Variants in CEMIP observed in about 807,000 individuals in gnomAD.
CEMIP encodes the protein cell migration inducing hyaluronidase 1.
In CEMIP, 105 loss-of-function variants were observed where a neutral mutation model predicts 156.9. That is an observed-to-expected ratio of 0.67 (90% CI 0.57 to 0.79). The LOEUF is 0.79. Among genes scored for constraint, CEMIP ranks in the 30% least tolerant of loss-of-function variants. The pLI, the probability that CEMIP is intolerant of heterozygous loss-of-function variation, is 0.00. For synonymous variants in CEMIP, 676 were observed against 668.4 expected (o/e 1.01, Z -0.17); for missense variants, 1,457 against 1,769.4 (o/e 0.82, Z 3.17).
intron 9 of CEMIP, 63 bp from the exon 10 acceptor site, chr15:80,889,408 C>A: frequency 6.2e-7 from 1 of 1,611,566 alleles, no homozygotes; most frequent in Non-Finnish European, 8.5e-7. Context: ...GGAGACAACA[C>A]TGAGTGTGAC....
intron 14 of CEMIP, among the ~76,000 whole-genome samples, chr15:80,913,716 TAA>T (rs910467093): frequency 2.6e-5 from 4 of 152,248 alleles, no homozygotes; most frequent in African/African-American, 9.6e-5. Context: ...GTGTTCTGTG[TAA>T]ACATCGCTGG....
rs1180591445 is a variant in CEMIP, at chr15:80,932,202, G to T, written c.2793+163G>T. Among the ~76,000 whole-genome samples, 2 of 152,306 alleles carry T rather than the reference G, an allele frequency of 1.3e-5. No homozygotes were observed. The highest frequency in any genetic ancestry group is 1.3e-4 in the Admixed American group (2 of 15,296). On this transcript the variant is annotated intron_variant, in intron 22 of 29. Coordinates refer to ENST00000394685, the MANE Select transcript of CEMIP (RefSeq NM_001293298.2). This position sits in a 1 kb window ranked among gnomAD's most constrained non-coding sequence, Gnocchi z 4.5. Reference sequence around the variant, plus strand: ...TCCCAGTTTGCTCTTCATCCAAACTGGAAAAGTACAAGCGTAGGTTGCCCC... The same window carrying T: ...TCCCAGTTTGCTCTTCATCCAAACTTGAAAAGTACAAGCGTAGGTTGCCCC...
At chr15:80,909,860 C>T in intron 14 of CEMIP, 2 of 344,850 alleles carry the variant, frequency 5.8e-6, no homozygotes, top group South Asian at 4.6e-5. Context: ...AAGTGAACTA[C>T]ATTTCTATCC....
intron 7 of CEMIP, among the ~76,000 whole-genome samples, chr15:80,885,971 G>A (rs546303648): frequency 6.6e-6 from 1 of 152,306 alleles, no homozygotes; most frequent in East Asian, 1.9e-4. Flanking sequence ...TAAACTTGAA[G>A]CATCTAAAAT....
chr15:80,928,819 G>A, intron 19 of CEMIP, 83 bp from the exon 20 acceptor site: 1 of 1,552,932 alleles, frequency 6.4e-7, no homozygotes, highest in South Asian at 1.1e-5. Context: ...GACTCCAAGG[G>A]CAGGGAAGTG....
Position 80,889,463 on chromosome 15 carries a change from C to T in CEMIP, c.965-8C>T, listed in dbSNP as rs770892795. On this transcript the variant is annotated splice_polypyrimidine_tract_variant and splice_region_variant and intron_variant, in intron 9 of 29. Transcript: ENST00000394685. The stretch of plus-strand genomic sequence containing the variant: ...CCTGTCTGACTGTGCTGTTTGCTTT[C>T]TGCCTAGACGTGGAGTGGACGGAGT... 6.2e-7 allele frequency: 1 copy of T among 1,614,006 alleles called. No individual in the cohort carries two copies. The highest frequency in any genetic ancestry group is 2.2e-5 in the East Asian group (1 of 44,872).
At chr15:80,800,193 C>A (rs1470981361) in intron 1 of CEMIP, among the ~76,000 whole-genome samples, 2 of 151,934 alleles carry the variant, frequency 1.3e-5, no homozygotes, top group African/African-American at 2.4e-5. Context: ...TTGTTAATAG[C>A]CTATGTTGAA....
In CEMIP at chr15:80,919,540, G is replaced by A. The variant is rs116584835; in HGVS notation, c.1798-554G>A. On this transcript the variant is annotated intron_variant, in intron 14 of 29. Transcript: ENST00000394685. Reference sequence around the variant, plus strand: ...TAAAAGTCACCATCCCTGGCACGGCGCGGTGGCTCACACCTGTAATCCCAG... The same window carrying A: ...TAAAAGTCACCATCCCTGGCACGGCACGGTGGCTCACACCTGTAATCCCAG... 1.7e-3 allele frequency among the ~76,000 whole-genome samples: 252 copies of A among 152,080 alleles called. 2 individuals carry two copies. Among genetic ancestry groups the A allele is most frequent in the African/African-American group, 5.8e-3 (239 of 41,468 alleles).
At chr15:80,937,158 A>C (rs1441619942) in intron 24 of CEMIP, among the ~76,000 whole-genome samples, 1 of 152,198 alleles carries the variant, frequency 6.6e-6, no homozygotes, top group African/African-American at 2.4e-5. Context: ...GCAGGAGTGC[A>C]ATGAGGACCC....
intron 7 of CEMIP, among the ~76,000 whole-genome samples, chr15:80,885,381 C>G (rs916746253): frequency 1.3e-5 from 2 of 152,210 alleles, no homozygotes; most frequent in Non-Finnish European, 2.9e-5. Context: ...GAGACTACTT[C>G]TTCTGGACGG....
intron 1 of CEMIP, among the ~76,000 whole-genome samples, chr15:80,825,215 T>C (rs1426953036): frequency 6.6e-6 from 1 of 152,198 alleles, no homozygotes; most frequent in Non-Finnish European, 1.5e-5. Context: ...GTGTACCGGA[T>C]GGGCATTGTA....
At chr15:80,842,381 G>A (rs1026424650) in intron 1 of CEMIP, among the ~76,000 whole-genome samples, 23 of 152,072 alleles carry the variant, frequency 1.5e-4, no homozygotes, top group Non-Finnish European at 3.4e-4. Context: ...ACAAAGACTC[G>A]TTCTTTGTTC....
At chr15:80,874,820 C>A (rs181165432) in intron 3 of CEMIP, among the ~76,000 whole-genome samples, 3 of 152,166 alleles carry the variant, frequency 2.0e-5, no homozygotes, top group African/African-American at 7.2e-5. Flanking sequence ...ATTATCATCA[C>A]CATTGATTGC....
At chr15:80,873,995 A>G in intron 3 of CEMIP, 22 bp downstream of exon 3, 2 of 1,545,524 alleles carry the variant, frequency 1.3e-6, no homozygotes, top group Non-Finnish European at 1.8e-6. Context: ...AAACAGATGG[A>G]CCTCTGTATC....
At chr15:80,896,316 C>T (rs1298559610) in intron 12 of CEMIP, 1 of 642,112 alleles carries the variant, frequency 1.6e-6, no homozygotes, top group Non-Finnish European at 2.9e-6. Flanking sequence ...ATATGACTCC[C>T]ATTCTTCCCA....
chr15:80,927,776 A>G (rs1398170105), intron 19 of CEMIP, among the ~76,000 whole-genome samples: 2 of 152,174 alleles, frequency 1.3e-5, no homozygotes, highest in Non-Finnish European at 2.9e-5. Flanking sequence ...ACTGGGGGAC[A>G]GAAGCAATGA....
intron 12 of CEMIP, among the ~76,000 whole-genome samples, chr15:80,902,630 T>G (rs1464304682): frequency 6.6e-6 from 1 of 152,170 alleles, no homozygotes; most frequent in African/African-American, 2.4e-5. Context: ...ACTGAAATAT[T>G]CTTGCAGCTC....
chr15:80,888,753 T>C lies in CEMIP; in HGVS notation c.921T>C (p.His307=), dbSNP rs373591542. The change falls in exon 9 of 30, where the codon CAT becomes CAC. Residue 307 remains histidine (H), a synonymous_variant. Transcript: ENST00000394685. ...ARVFKLFQTE[H]GEYFNVSLSS... Reference sequence around the variant, plus strand: ...TATTCAAATTGTTCCAGACAGAGCATGGCGAATATTTCAATGTTTCTTTGT... The same window carrying C: ...TATTCAAATTGTTCCAGACAGAGCACGGCGAATATTTCAATGTTTCTTTGT... The C allele has an allele frequency of 3.1e-6, 5 of 1,614,070 alleles. No homozygotes were observed. The highest frequency in any genetic ancestry group is 4.2e-6 in the Non-Finnish European group (5 of 1,180,032).
chr15:80,871,885 C>T (rs79279027), intron 1 of CEMIP, among the ~76,000 whole-genome samples: 2,994 of 152,248 alleles, frequency 0.02, 37 homozygotes, highest in Non-Finnish European at 0.032. Flanking sequence ...TGCCGTGATG[C>T]GTGACTTCAG....
Sources: allele counts gnomAD v4.1 joint callset (sites outside exome capture counted in the v4.1 genomes callset), GRCh38; gene constraint gnomAD v4.1.1; non-coding constraint Gnocchi (gnomAD v3.1); transcripts MANE v1.5; gene names NCBI Gene and HGNC (gene_info 2026-07-23, HGNC 2026-07-21).